PROM1: variants seen among roughly 807,000 people sequenced by gnomAD.
PROM1 encodes the protein prominin-1.
Under a neutral mutation model 116.9 loss-of-function variants are expected in PROM1, and 105 were observed. The observed-to-expected ratio is 0.90, with a 90% CI of 0.77 to 1.06. The LOEUF (loss-of-function observed/expected upper bound fraction) is 1.06, where lower values mean the gene tolerates loss of function less well. Ranked by LOEUF, PROM1 falls within the 50% of genes least tolerant of loss-of-function variation. The pLI, the probability that PROM1 is intolerant of heterozygous loss-of-function variation, is 0.00. For synonymous variants in PROM1, 393 were observed against 387.0 expected, an observed-to-expected ratio of 1.02 and a Z score of -0.18; for missense variants, 1,122 against 1,045.2, an observed-to-expected ratio of 1.07 and a Z score of -1.01.
At chr4:16,025,117 A>T (rs1401312281) in intron 6 of PROM1, 75 bp downstream of exon 6, 2 of 1,496,192 alleles carry the variant, frequency 1.3e-6, no homozygotes, top group Non-Finnish European at 1.8e-6. Flanking sequence ...TTTGATTGAG[A>T]TTCCAAATAT....
At chr4:16,044,406 G>A (rs1480474043) in intron 2 of PROM1, among the ~76,000 whole-genome samples, 2 of 152,212 alleles carry the variant, frequency 1.3e-5, no homozygotes, top group Non-Finnish European at 2.9e-5. Flanking sequence ...GTGTCTGTAA[G>A]TCAGCTTGCT....
chr4:15,983,710 T>C (rs769450670), intron 23 of PROM1, among the ~76,000 whole-genome samples: 3 of 152,144 alleles, frequency 2.0e-5, no homozygotes, highest in Non-Finnish European at 4.4e-5. Flanking sequence ...GGCTCAGCCA[T>C]GCAGAGCCTA....
rs145136964 is a variant in PROM1 at position 16,054,784 on chromosome 4, C to T, written c.221-15783G>A. 1.3e-4 allele frequency among the ~76,000 whole-genome samples: 20 copies of T among 152,230 alleles called. No individual in the cohort carries two copies. In the East Asian group the frequency reaches 3.9e-3, roughly 29 times the overall value. ...CCAAAGCATGCCTTTGTTCATGCCC[C>T]CTCTGAGGTCTGCTGATGCTATTTC... On this transcript the variant is annotated intron_variant, in intron 2 of 27. Transcript: ENST00000447510.
chr4:16,014,754 T>A (rs756993651), intron 10 of PROM1, among the ~76,000 whole-genome samples: 61 of 152,216 alleles, frequency 4.0e-4, no homozygotes, highest in Middle Eastern at 6.3e-3. Flanking sequence ...TATTCTCTCA[T>A]TTTCCCATAG....
chr4:16,005,074 TG>T (rs1725056161), intron 13 of PROM1, among the ~76,000 whole-genome samples: 1 of 151,208 alleles, frequency 6.6e-6, no homozygotes, highest in African/African-American at 2.4e-5. Context: ...GTGATTCTCG[TG>T]CCTCAGCCTC....
chr4:16,048,613 G>A (rs1461444649), intron 2 of PROM1, among the ~76,000 whole-genome samples: 1 of 152,030 alleles, frequency 6.6e-6, no homozygotes, highest in South Asian at 2.1e-4. Context: ...CACCTTTAGG[G>A]TACTTTTTTC....
At chr4:16,055,975 ACT>A (rs1738909081) in intron 2 of PROM1, among the ~76,000 whole-genome samples, 2 of 152,026 alleles carry the variant, frequency 1.3e-5, no homozygotes, top group South Asian at 2.1e-4. Flanking sequence ...TCTGCAAGTG[ACT>A]CTGTCCATAT....
intron 2 of PROM1, among the ~76,000 whole-genome samples, chr4:16,040,082 TCCATCACG>T (rs1039143549): frequency 1.6e-4 from 24 of 152,138 alleles, no homozygotes; most frequent in Admixed American, 3.3e-4. Flanking sequence ...TATCACTATA[TCCATCACG>T]CCTGAAATGT....
intron 20 of PROM1, among the ~76,000 whole-genome samples, chr4:15,986,607 C>T (rs1430446240): frequency 6.6e-6 from 1 of 152,154 alleles, no homozygotes; most frequent in Non-Finnish European, 1.5e-5. Flanking sequence ...CTGGGCCCCT[C>T]ATGAAAGGCC....
chr4:16,063,351 C>T (rs1265956286), intron 2 of PROM1, among the ~76,000 whole-genome samples: 2 of 152,204 alleles, frequency 1.3e-5, no homozygotes, highest in Admixed American at 6.5e-5. Flanking sequence ...TAATCCCCCA[C>T]TCTGGGAGGC....
At chr4:15,979,857 T>G in intron 25 of PROM1, 24 bp downstream of exon 25, 6 of 1,439,906 alleles carry the variant, frequency 4.2e-6, no homozygotes, top group Non-Finnish European at 5.7e-6. Flanking sequence ...CATCTAGGAA[T>G]ATAGTTTTTT....
intron 5 of PROM1, among the ~76,000 whole-genome samples, chr4:16,029,240 A>C (rs1417510254): frequency 6.6e-6 from 1 of 152,210 alleles, no homozygotes; most frequent in East Asian, 1.9e-4. Context: ...GTATAAAATG[A>C]ACTTTGAAAA....
At chr4:15,973,556 G>GT (rs991042297) in intron 26 of PROM1, among the ~76,000 whole-genome samples, 2 of 152,134 alleles carry the variant, frequency 1.3e-5, no homozygotes, top group Non-Finnish European at 1.5e-5. Context: ...CCCCCATGGT[G>GT]TTTTTTTCTC....
intron 2 of PROM1, among the ~76,000 whole-genome samples, chr4:16,054,319 A>AC (rs1479445585): frequency 6.6e-6 from 1 of 152,134 alleles, no homozygotes; most frequent in Non-Finnish European, 1.5e-5. Context: ...CTTTAAAGCT[A>AC]CCCACAATGT....
chr4:15,993,703 A>G (rs950287317), intron 16 of PROM1, among the ~76,000 whole-genome samples: 1 of 152,184 alleles, frequency 6.6e-6, no homozygotes, highest in Non-Finnish European at 1.5e-5. Context: ...GCAAAATGAC[A>G]TCTTTCCCTG....
intron 2 of PROM1, among the ~76,000 whole-genome samples, chr4:16,069,011 G>A (rs904042543): frequency 1.3e-5 from 2 of 152,200 alleles, no homozygotes; most frequent in Non-Finnish European, 2.9e-5. Context: ...AAGGCATGCG[G>A]ATCACCTGAG....
chr4:16,059,547 T>C (rs757509629), intron 2 of PROM1, among the ~76,000 whole-genome samples: 1 of 151,704 alleles, frequency 6.6e-6, no homozygotes, highest in Non-Finnish European at 1.5e-5. Context: ...CTCTAAAAAA[T>C]AAAAAAAATT....
intron 14 of PROM1, 48 bp from the exon 15 acceptor site, chr4:15,998,536 A>G (rs371099027): frequency 1.1e-5 from 16 of 1,432,922 alleles, no homozygotes; most frequent in East Asian, 5.4e-5. Flanking sequence ...TTACACTAAC[A>G]TACATACTAA....
At chr4:16,009,569 C>T (rs892766620) in intron 11 of PROM1, among the ~76,000 whole-genome samples, 3 of 152,080 alleles carry the variant, frequency 2.0e-5, no homozygotes, top group South Asian at 2.1e-4. Context: ...GATTGAAATT[C>T]GGGTGTATCT....
Sources: allele counts gnomAD v4.1 joint callset (sites outside exome capture counted in the v4.1 genomes callset), GRCh38; gene constraint gnomAD v4.1.1; transcripts MANE v1.5; gene names NCBI Gene and HGNC (gene_info 2026-07-23, HGNC 2026-07-21).